RAB3C: variants seen among roughly 807,000 people sequenced by gnomAD.
The protein encoded by RAB3C is ras-related protein Rab-3C.
RAB3C carries 17 observed loss-of-function variants against 26.4 expected under a neutral mutation model. The ratio of observed to expected loss-of-function variants is 0.64; its 90% CI spans 0.44 to 0.97. RAB3C has a LOEUF of 0.97. RAB3C is among the 50% of genes least tolerant of loss of function. The pLI is 0.00. For missense variants in RAB3C, 242 were observed against 281.9 expected (o/e 0.86, Z 1.01); for synonymous variants, 91 against 95.9 (o/e 0.95, Z 0.30).
intron 3 of RAB3C, among the ~76,000 whole-genome samples, chr5:58,755,210 G>T (rs1741629727): frequency 6.6e-6 from 1 of 152,140 alleles, no homozygotes; most frequent in Non-Finnish European, 1.5e-5. Flanking sequence ...AGACAGTGCT[G>T]GTTTCTGACT....
At chr5:58,715,306 CAAAGTTGTGACTGCTGATGAGAATAA>C (rs1749148178) in intron 2 of RAB3C, among the ~76,000 whole-genome samples, 1 of 150,596 alleles carries the variant, frequency 6.6e-6, no homozygotes, top group South Asian at 2.1e-4. Context: ...AGAGGGTAGA[CAAAGTTGTGACTGCTGATGAGAATAA>C]AAATATTGCA....
intron 3 of RAB3C, among the ~76,000 whole-genome samples, chr5:58,777,671 G>C (rs901564764): frequency 6.9e-6 from 1 of 144,492 alleles, no homozygotes; most frequent in Non-Finnish European, 1.5e-5. Context: ...ATGTATACAT[G>C]AGCCATGTTG....
At chr5:58,812,224 G>C (rs565245796) in intron 3 of RAB3C, among the ~76,000 whole-genome samples, 2 of 152,216 alleles carry the variant, frequency 1.3e-5, no homozygotes, top group South Asian at 2.1e-4. Flanking sequence ...AGATGACAAA[G>C]GACACAGCCC....
chr5:58,809,181 T>C (rs997792291), intron 3 of RAB3C, among the ~76,000 whole-genome samples: 2 of 152,178 alleles, frequency 1.3e-5, no homozygotes, highest in African/African-American at 4.8e-5. Context: ...ATACTTATTT[T>C]GAGTTTGAAA....
intron 2 of RAB3C, among the ~76,000 whole-genome samples, chr5:58,713,681 A>T (rs1749109456): frequency 6.6e-6 from 1 of 152,240 alleles, no homozygotes; most frequent in African/African-American, 2.4e-5. Flanking sequence ...AATCTTTAAA[A>T]TACATCAGAA....
At chr5:58,841,008 G>A (rs1353801960) in intron 4 of RAB3C, among the ~76,000 whole-genome samples, 1 of 152,206 alleles carries the variant, frequency 6.6e-6, no homozygotes, top group Non-Finnish European at 1.5e-5. Context: ...CTCTTCAGTT[G>A]GCCTGGGGGT....
intron 4 of RAB3C, among the ~76,000 whole-genome samples, chr5:58,825,520 T>C (rs1743455945): frequency 6.6e-6 from 1 of 152,190 alleles, no homozygotes; most frequent in South Asian, 2.1e-4. Context: ...TGTGTGATTA[T>C]TGTTCTCAAG....
intron 3 of RAB3C, among the ~76,000 whole-genome samples, chr5:58,756,555 G>A (rs1741670158): frequency 6.7e-6 from 1 of 148,238 alleles, no homozygotes; most frequent in Non-Finnish European, 1.5e-5. Context: ...ACAGGCACTG[G>A]TGTGTTGTTC....
intron 2 of RAB3C, among the ~76,000 whole-genome samples, chr5:58,720,662 A>G (rs558032313): frequency 6.6e-6 from 1 of 151,950 alleles, no homozygotes; most frequent in East Asian, 1.9e-4. Flanking sequence ...GCTTAATTAA[A>G]CTACTTCTGT....
intron 3 of RAB3C, 91 bp from the exon 4 acceptor site, chr5:58,824,947 C>A (rs144337803): frequency 2.4e-6 from 2 of 845,250 alleles, no homozygotes; most frequent in Non-Finnish European, 3.6e-6. Context: ...CCTTTTGCTA[C>A]CATCATCATC....
chr5:58,728,050 AATCTGCTACTCC>A (rs1199106348), intron 3 of RAB3C, among the ~76,000 whole-genome samples: 3 of 151,866 alleles, frequency 2.0e-5, no homozygotes, highest in Non-Finnish European at 4.4e-5. Flanking sequence ...CTCTTTCCTC[AATCTGCTACTCC>A]ATCTGCCCCA....
chr5:58,751,695 A>T (rs910731052), intron 3 of RAB3C, among the ~76,000 whole-genome samples: 2 of 152,250 alleles, frequency 1.3e-5, no homozygotes, highest in Non-Finnish European at 2.9e-5. Context: ...ACTTCTAGTC[A>T]TGTTAGTCAT....
At chr5:58,695,024 G>A (rs1748666093) in intron 2 of RAB3C, among the ~76,000 whole-genome samples, 1 of 152,224 alleles carries the variant, frequency 6.6e-6, no homozygotes, top group Non-Finnish European at 1.5e-5. Context: ...GTCCTGAATG[G>A]TATTGCCTAG....
intron 2 of RAB3C, among the ~76,000 whole-genome samples, chr5:58,646,993 A>T (rs1358340226): frequency 1.3e-5 from 2 of 152,228 alleles, no homozygotes; most frequent in Non-Finnish European, 2.9e-5. Flanking sequence ...AGGTCCACCT[A>T]TAAAGTATCC....
chr5:58,682,848 T>C (rs1345974777), intron 2 of RAB3C, among the ~76,000 whole-genome samples: 1 of 152,222 alleles, frequency 6.6e-6, no homozygotes, highest in Non-Finnish European at 1.5e-5. Context: ...ATATATTTTC[T>C]CAAGATTTGG....
Position 58,613,142 on chromosome 5 carries a change from G to A in RAB3C, c.25-4501G>A, listed in dbSNP as rs144831400. Among the ~76,000 whole-genome samples the A allele has an allele frequency of 3.3e-3, 499 of 152,130 alleles. 1 individual carries two copies. The highest frequency in any genetic ancestry group is 5.3e-3 in the Admixed American group (81 of 15,276). On this transcript the variant is annotated intron_variant, in intron 1 of 4. Transcript: ENST00000282878. ...GTTTTAATCAGAGGTAACCGATTTG[G>A]TTCCTGGTCAATAGAACTTCTGGGA... is the stretch of plus-strand genomic sequence containing the variant.
chr5:58,745,587 G>A (rs1741387137), intron 3 of RAB3C, among the ~76,000 whole-genome samples: 2 of 151,926 alleles, frequency 1.3e-5, no homozygotes, highest in South Asian at 4.1e-4. Flanking sequence ...GTCCCCTAAA[G>A]CTCACCTCAG....
chr5:58,857,109 T>C lies in RAB3C; in HGVS notation c.*5758T>C, dbSNP rs1744277542. 1 of 152,204 alleles carries C rather than the reference T, an allele frequency of 6.6e-6. No homozygotes were observed. Among genetic ancestry groups the C allele is most frequent in the South Asian group, 2.1e-4 (1 of 4,834 alleles). 9.4% of individuals were successfully genotyped at this position (152,204 alleles called of 1,614,324 possible). On this transcript the variant is annotated 3_prime_UTR_variant, in exon 5 of 5. Coordinates refer to ENST00000282878, the MANE Select transcript of RAB3C (RefSeq NM_138453.4). ...ATGGGCCAATAAGTGCAATATTTAA[T>C]GACTCACTCAGTGTATATAAACTAG...
chr5:58,809,400 A>C (rs1397619582), intron 3 of RAB3C, among the ~76,000 whole-genome samples: 3 of 152,052 alleles, frequency 2.0e-5, no homozygotes, highest in Admixed American at 2.0e-4. Context: ...AAAAAAAAAA[A>C]AAACCTTAGC....
Sources: allele counts gnomAD v4.1 joint callset (sites outside exome capture counted in the v4.1 genomes callset), GRCh38; gene constraint gnomAD v4.1.1; transcripts MANE v1.5; gene names NCBI Gene and HGNC (gene_info 2026-07-23, HGNC 2026-07-21).